The following IL33 variants were observed in gnomAD, a reference collection of about 807,000 sequenced individuals.
IL33 encodes the protein interleukin-33.
In IL33, 37 loss-of-function variants were observed where a neutral mutation model predicts 27.3. The ratio of observed to expected loss-of-function variants is 1.36; its 90% confidence interval spans 1.04 to 1.78. The LOEUF (loss-of-function observed/expected upper bound fraction) is 1.78. Among genes scored for constraint, IL33 ranks in the 40% most tolerant of loss-of-function variants. The pLI is 0.00. For missense variants in IL33, 406 were observed against 311.4 expected (o/e 1.30, Z -2.29); for synonymous variants, 132 against 102.9 (o/e 1.28, Z -1.71).
At chr9:6,240,696 C>T (rs1314245631) in intron 1 of IL33, among the ~76,000 whole-genome samples, 1 of 152,192 alleles carries the variant, frequency 6.6e-6, no homozygotes, top group Admixed American at 6.5e-5. Context: ...TAGGTCGTTA[C>T]TGACCACGAC....
chr9:6,226,310 C>T (rs140213790), intron 1 of IL33, among the ~76,000 whole-genome samples: 1 of 152,132 alleles, frequency 6.6e-6, no homozygotes, highest in African/African-American at 2.4e-5. Context: ...GCCACCACCC[C>T]CAGCCCTTTC....
chr9:6,248,408 G>C (rs76864631), intron 2 of IL33, among the ~76,000 whole-genome samples: 5 of 151,610 alleles, frequency 3.3e-5, no homozygotes, highest in Non-Finnish European at 7.4e-5. Context: ...GTTATCATGG[G>C]AGTGGTTTGG....
intron 2 of IL33, among the ~76,000 whole-genome samples, chr9:6,248,524 T>A (rs188656572): frequency 1.3e-5 from 2 of 152,090 alleles, no homozygotes. Flanking sequence ...GATGCCAGCA[T>A]AATATTCTTG....
intron 1 of IL33, among the ~76,000 whole-genome samples, chr9:6,241,445 T>C (rs947108973): frequency 1.3e-5 from 2 of 152,222 alleles, no homozygotes; most frequent in Non-Finnish European, 2.9e-5. Flanking sequence ...TCAGCTCCAC[T>C]ATAATCTTGT....
chr9:6,242,297 G>T (rs1819574973), intron 2 of IL33: 1 of 152,156 alleles, frequency 6.6e-6, no homozygotes, highest in Non-Finnish European at 1.5e-5. Flanking sequence ...TATACCTGAA[G>T]CTGGGTAATT....
In IL33 at chr9:6,255,956, T is replaced by C. The variant is rs1283053453; in HGVS notation, c.613-12T>C. On this transcript the variant is annotated splice_polypyrimidine_tract_variant and intron_variant, in intron 7 of 7. Coordinates refer to ENST00000682010, the MANE Select transcript of IL33 (RefSeq NM_033439.4). Reference sequence around the variant, plus strand: ...ATTCACATATGGATTGCTTTCTCTCTTGTTTCCTCAGCTCCATAAGTGTGA... The same window carrying C: ...ATTCACATATGGATTGCTTTCTCTCCTGTTTCCTCAGCTCCATAAGTGTGA... 32 of 1,611,326 alleles carry C rather than the reference T, an allele frequency of 2.0e-5. No homozygotes were observed. Among genetic ancestry groups the C allele is most frequent in the Non-Finnish European group, 2.5e-5 (30 of 1,177,910 alleles).
At chr9:6,241,658 A>G in intron 1 of IL33, 26 bp from the exon 2 acceptor site, 1 of 1,396,488 alleles carries the variant, frequency 7.2e-7, no homozygotes, top group Non-Finnish European at 1.0e-6. Flanking sequence ...AGACAAATGA[A>G]CTAATATTAT....
intron 1 of IL33, among the ~76,000 whole-genome samples, chr9:6,229,763 C>T (rs1267966826): frequency 6.6e-6 from 1 of 152,188 alleles, no homozygotes; most frequent in Non-Finnish European, 1.5e-5. Flanking sequence ...GACTAAAGCA[C>T]AACCCTTGTT....
intron 2 of IL33, among the ~76,000 whole-genome samples, chr9:6,249,077 C>A (rs1816180490): frequency 6.6e-6 from 1 of 152,108 alleles, no homozygotes; most frequent in African/African-American, 2.4e-5. Flanking sequence ...ATACAAGATA[C>A]CACCGTTGAT....
At chr9:6,223,491 T>C (rs887071168) in intron 1 of IL33, among the ~76,000 whole-genome samples, 6 of 152,016 alleles carry the variant, frequency 3.9e-5, no homozygotes, top group Non-Finnish European at 7.4e-5. Context: ...TTTTCTATCA[T>C]ATATAATATT....
At chr9:6,233,065 C>CA (rs1819002100) in intron 1 of IL33, among the ~76,000 whole-genome samples, 1 of 152,166 alleles carries the variant, frequency 6.6e-6, no homozygotes, top group African/African-American at 2.4e-5. Flanking sequence ...CAGTGGCATT[C>CA]ACATTGTTGT....
At chr9:6,252,751 C>T in intron 4 of IL33, 115 bp from the exon 5 acceptor site, 2 of 1,217,278 alleles carry the variant, frequency 1.6e-6, no homozygotes, top group Non-Finnish European at 2.4e-6. Flanking sequence ...TTAATCTAGC[C>T]AACAGTGACA....
rs767146393 is a variant in IL33, at chr9:6,241,765, C to A, written c.71C>A (p.Ala24Asp). The A allele has an allele frequency of 1.9e-5, 31 of 1,609,994 alleles. 1 individual carries two copies. Among genetic ancestry groups the A allele is most frequent in the Admixed American group, 1.0e-4 (6 of 59,744 alleles). Residue 24 changes from alanine (A) to aspartate (D), a missense_variant, in exon 2 of 8, where the codon GCC (alanine) becomes GAC (aspartate). Ala to Asp is a moderately radical substitution (Grantham distance 126). Transcript: ENST00000682010. ...AAGTGGAAGAACACAGCAAGCAAAGCCTTGTGTTTCAAGCTGGGAAGTAAG... is the reference window on the plus strand; with the variant it reads ...AAGTGGAAGAACACAGCAAGCAAAGACTTGTGTTTCAAGCTGGGAAGTAAG... The part of the protein sequence containing the change: ...TAKWKNTASK[A>D]LCFKLGKSQQ...
chr9:6,251,415 T>A, intron 4 of IL33, 150 bp downstream of exon 4: 2 of 1,134,952 alleles, frequency 1.8e-6, no homozygotes, highest in Admixed American at 2.5e-5. Flanking sequence ...ACCCATCTAA[T>A]AGTATCCAAA....
At chr9:6,241,948 T>A (rs759939762) in intron 2 of IL33, among the ~76,000 whole-genome samples, 163 bp downstream of exon 2, 9 of 152,050 alleles carry the variant, frequency 5.9e-5, no homozygotes, top group Non-Finnish European at 1.5e-5. Flanking sequence ...AGCAGACTGG[T>A]TTTGAACCAA....
intron 1 of IL33, among the ~76,000 whole-genome samples, chr9:6,218,509 A>T (rs1354090623): frequency 6.6e-6 from 1 of 151,788 alleles, no homozygotes; most frequent in Non-Finnish European, 1.5e-5. Context: ...ATGAAATTCA[A>T]TTGTGAAAAG....
At chr9:6,249,479 T>C (rs1033397936) in intron 2 of IL33, among the ~76,000 whole-genome samples, 4 of 152,238 alleles carry the variant, frequency 2.6e-5, no homozygotes, top group Non-Finnish European at 5.9e-5. Flanking sequence ...TACCTGATTC[T>C]GAAAGACTTT....
chr9:6,255,714 T>TG (rs1168383514), intron 7 of IL33, among the ~76,000 whole-genome samples: 4 of 152,126 alleles, frequency 2.6e-5, no homozygotes, highest in African/African-American at 9.7e-5. Context: ...CCAGAACTGT[T>TG]GCATCCAGAT....
chr9:6,241,831 C>A, intron 2 of IL33, 46 bp downstream of exon 2: 1 of 1,290,504 alleles, frequency 7.7e-7, no homozygotes. Flanking sequence ...CTATTTTTAT[C>A]TGTTATCAAA....
Sources: allele counts gnomAD v4.1 joint callset (sites outside exome capture counted in the v4.1 genomes callset), GRCh38; gene constraint gnomAD v4.1.1; transcripts MANE v1.5; gene names NCBI Gene and HGNC (gene_info 2026-07-23, HGNC 2026-07-21).